ING5: variants seen among roughly 807,000 people sequenced by gnomAD.
The protein encoded by ING5 is inhibitor of growth protein 5.
In ING5, 17 loss-of-function variants were observed where a neutral mutation model predicts 37.4. That is an observed-to-expected ratio of 0.45 (90% CI 0.31 to 0.68). The LOEUF (loss-of-function observed/expected upper bound fraction) is 0.68. Among genes scored for constraint, ING5 ranks in the 30% least tolerant of loss-of-function variants. The pLI is 0.05. For missense variants in ING5, 233 were observed against 311.9 expected (o/e 0.75, Z 1.91); for synonymous variants, 123 against 116.6 (o/e 1.06, Z -0.36).
chr2:241,689,723 G>T (rs146380900), intron 1 of ING5: 1 of 152,204 alleles, frequency 6.6e-6, no homozygotes, highest in Non-Finnish European at 1.5e-5. Context: ...CCTAGCGAAC[G>T]CTTACAAGTA....
At chr2:241,701,626 G>A (rs1405348286), upstream of ING5, among the ~76,000 whole-genome samples, 6 of 152,296 alleles carry the variant, frequency 3.9e-5, no homozygotes, top group East Asian at 1.2e-3. Flanking sequence ...TTCGGGAAGG[G>A]AGGGCCTCGT....
upstream of ING5, among the ~76,000 whole-genome samples, chr2:241,699,120 G>A (rs1425897289): frequency 6.6e-6 from 1 of 151,760 alleles, no homozygotes; most frequent in Non-Finnish European, 1.5e-5. Context: ...TGCCTCCTAG[G>A]TTCAAATGAT....
At chr2:241,687,432 G>C in exon 1 of ING5, 1 of 398,818 alleles carries the variant, frequency 2.5e-6, no homozygotes, top group Non-Finnish European at 4.4e-6. Flanking sequence ...CGCTGGCCAC[G>C]TGGCAATTGT....
intron 2 of ING5, among the ~76,000 whole-genome samples, chr2:241,691,466 T>C (rs1360180927): frequency 6.6e-6 from 1 of 150,804 alleles, no homozygotes; most frequent in Non-Finnish European, 1.5e-5. Flanking sequence ...ACAAAAAAAC[T>C]GAAGGAGCAG....
At chr2:241,714,712 C>A (rs2070215768) in intron 5 of ING5, among the ~76,000 whole-genome samples, 1 of 151,790 alleles carries the variant, frequency 6.6e-6, no homozygotes, top group Non-Finnish European at 1.5e-5. Context: ...TCAAGTGATT[C>A]TCCCACCTCA....
chr2:241,697,162 G>A (rs2069642631), upstream of ING5, among the ~76,000 whole-genome samples: 1 of 151,862 alleles, frequency 6.6e-6, no homozygotes, highest in African/African-American at 2.4e-5. Flanking sequence ...GTGGCCAGGG[G>A]CTGTGGCTCA....
upstream of ING5, among the ~76,000 whole-genome samples, chr2:241,700,400 T>A (rs930804591): frequency 1.3e-5 from 2 of 151,834 alleles, no homozygotes; most frequent in Non-Finnish European, 2.9e-5. Context: ...CTCGTGATCC[T>A]CCCGCCTTGG....
chr2:241,693,252 CAAAAAAAAAA>C (rs748452347), intron 2 of ING5, among the ~76,000 whole-genome samples: 11 of 59,348 alleles, frequency 1.9e-4, no homozygotes, highest in Non-Finnish European at 3.3e-4. Flanking sequence ...GAGACTGTCT[CAAAAAAAAAA>C]AAAAAAAAAA....
chr2:241,722,284 C>G, intron 5 of ING5: 1 of 985,328 alleles, frequency 1.0e-6, no homozygotes, highest in Non-Finnish European at 1.2e-6. Context: ...CCAAAGGGGC[C>G]GGGGTCTTTG....
chr2:241,690,754 A>G, intron 2 of ING5: 1 of 396,818 alleles, frequency 2.5e-6, no homozygotes, highest in Non-Finnish European at 4.4e-6. Context: ...AATTGCAGAA[A>G]GATGCAGGTG....
chr2:241,702,667 GGTGCCGAGTCGGCCCTGGTGGGCGGGCT>G (rs1260092740), intron 1 of ING5, among the ~76,000 whole-genome samples: 4 of 152,212 alleles, frequency 2.6e-5, no homozygotes, highest in African/African-American at 4.8e-5. Flanking sequence ...CGGGGAGGGC[GGTGCCGAGTCGGCCCTGGTGGGCGGGCT>G]GTGCTGTTTC....
upstream of ING5, chr2:241,702,001 G>A: frequency 4.1e-6 from 5 of 1,225,756 alleles, no homozygotes; most frequent in South Asian, 2.0e-5. Context: ...CGCTGGCACC[G>A]CCCCGCCCCC....
At chr2:241,700,998 G>A (rs1227862484), upstream of ING5, among the ~76,000 whole-genome samples, 1 of 140,168 alleles carries the variant, frequency 7.1e-6, no homozygotes, top group Non-Finnish European at 1.5e-5. Context: ...TTTGAAGACA[G>A]AGTCTTGCTC....
At chr2:241,713,282 T>C (rs1221709876) in intron 5 of ING5, among the ~76,000 whole-genome samples, 48 of 151,372 alleles carry the variant, frequency 3.2e-4, no homozygotes, top group African/African-American at 7.5e-4. Context: ...GGTCTCGAAC[T>C]CCTGACCTCA....
chr2:241,697,193 T>C (rs2069643002), upstream of ING5, among the ~76,000 whole-genome samples: 1 of 152,004 alleles, frequency 6.6e-6, no homozygotes, highest in South Asian at 2.1e-4. Flanking sequence ...CCTAGCACTT[T>C]GGGAGGCCGG....
chr2:241,693,083 A>AC (rs1402762784), intron 2 of ING5, among the ~76,000 whole-genome samples: 1 of 151,500 alleles, frequency 6.6e-6, no homozygotes, highest in Non-Finnish European at 1.5e-5. Flanking sequence ...ACGTGGTGAA[A>AC]CCCCGTCTCT....
upstream of ING5, chr2:241,687,068 G>A (rs2069444610): frequency 5.0e-6 from 2 of 399,678 alleles, no homozygotes; most frequent in South Asian, 1.2e-4. Flanking sequence ...CCTTCGCTCC[G>A]GGAGGGGAGG....
At chr2:241,714,568 A>T (rs2070209085) in intron 5 of ING5, among the ~76,000 whole-genome samples, 1 of 151,248 alleles carries the variant, frequency 6.6e-6, no homozygotes, top group Non-Finnish European at 1.5e-5. Context: ...TGATACTGGT[A>T]ATTTATGTTT....
intron 5 of ING5, among the ~76,000 whole-genome samples, chr2:241,717,738 T>C (rs2070315479): frequency 6.6e-6 from 1 of 151,906 alleles, no homozygotes; most frequent in African/African-American, 2.4e-5. Context: ...TGTCACTGGC[T>C]CTTAACAGTT....
Sources: allele counts gnomAD v4.1 joint callset (sites outside exome capture counted in the v4.1 genomes callset), GRCh38; gene constraint gnomAD v4.1.1; transcripts MANE v1.5; gene names NCBI Gene and HGNC (gene_info 2026-07-23, HGNC 2026-07-21).